THBS4: variants seen among roughly 807,000 people sequenced by gnomAD.
THBS4 encodes thrombospondin 4.
Under a neutral mutation model 115.7 loss-of-function variants are expected in THBS4, and 90 were observed. The ratio of observed to expected loss-of-function variants is 0.78; its 90% confidence interval spans 0.66 to 0.93. The LOEUF is 0.93. Ranked by LOEUF, THBS4 falls within the 40% of genes least tolerant of loss-of-function variation. THBS4 has a pLI of 0.00. For missense variants in THBS4, 1,087 were observed against 1,232.7 expected (o/e 0.88, Z 1.77); for synonymous variants, 460 against 479.3 (o/e 0.96, Z 0.53).
chr5:80,044,026 C>T (rs944457494), intron 2 of THBS4, among the ~76,000 whole-genome samples: 1 of 152,188 alleles, frequency 6.6e-6, no homozygotes, highest in Non-Finnish European at 1.5e-5. Context: ...CCTTTTGTTC[C>T]TGCTGTCTGC....
Position 80,035,407 on chromosome 5 carries a change from G to T in THBS4, c.-131G>T. On this transcript the variant is annotated 5_prime_UTR_variant, in exon 1 of 22. Coordinates refer to ENST00000350881, the MANE Select transcript of THBS4 (RefSeq NM_003248.6). The surrounding 1 kb of genome is among the most constrained non-coding windows in gnomAD (Gnocchi z 4.6). ...GCGAGCGCGCCCCCGACGGCAGCCC[G>T]GACGCCGAGCACGGGTCACCTGCGG... is the stretch of plus-strand genomic sequence containing the variant. 4 of 449,446 alleles carry T rather than the reference G, an allele frequency of 8.9e-6. No individual in the cohort carries two copies. The highest frequency in any genetic ancestry group is 6.7e-6 in the Non-Finnish European group (2 of 298,516). 27.8% of individuals were successfully genotyped at this position (449,446 alleles called of 1,614,324 possible).
At chr5:80,080,712 G>A (rs756177031) in intron 20 of THBS4, among the ~76,000 whole-genome samples, 40 of 149,634 alleles carry the variant, frequency 2.7e-4, no homozygotes, top group African/African-American at 4.2e-4. Flanking sequence ...TCAGCCTCCC[G>A]AGTAGCTGGG....
chr5:80,008,516 A>G (rs1832060730), intron 2 of THBS4, among the ~76,000 whole-genome samples: 1 of 152,140 alleles, frequency 6.6e-6, no homozygotes, highest in Non-Finnish European at 1.5e-5. Context: ...TTATTTGTTA[A>G]GTATGGCAAC....
At chr5:80,067,771 C>T (rs1833883839) in intron 9 of THBS4, 3 of 539,972 alleles carry the variant, frequency 5.6e-6, no homozygotes, top group Admixed American at 3.4e-5. Context: ...GTCTGAGTGG[C>T]CGGACGCAGC....
chr5:80,003,454 T>C (rs1426464277), intron 2 of THBS4, among the ~76,000 whole-genome samples: 2 of 152,120 alleles, frequency 1.3e-5, no homozygotes, highest in Non-Finnish European at 2.9e-5. Context: ...CATCATGCTG[T>C]TTTCCTTATC....
intron 2 of THBS4, among the ~76,000 whole-genome samples, chr5:80,002,134 A>C (rs1200906097): frequency 1.3e-5 from 2 of 152,170 alleles, no homozygotes; most frequent in Non-Finnish European, 2.9e-5. Flanking sequence ...GTTAACTATC[A>C]TTAATAGTGA....
At chr5:80,070,620 C>A in intron 11 of THBS4, 23 bp from the exon 12 acceptor site, 1 of 1,604,010 alleles carries the variant, frequency 6.2e-7, no homozygotes, top group Non-Finnish European at 8.5e-7. Flanking sequence ...GGATGTCACT[C>A]GGAACTGCAT....
intron 20 of THBS4, chr5:80,082,135 T>G (rs1300895890): frequency 2.5e-6 from 1 of 399,652 alleles, no homozygotes; most frequent in Non-Finnish European, 4.5e-6. Context: ...AACATCATGT[T>G]AGGCCTTGTG....
chr5:80,004,093 C>T (rs1220168615), intron 2 of THBS4, among the ~76,000 whole-genome samples: 2 of 152,152 alleles, frequency 1.3e-5, no homozygotes, highest in East Asian at 3.9e-4. Flanking sequence ...ATCTCCTAGT[C>T]AGATTCCTCA....
intron 2 of THBS4, among the ~76,000 whole-genome samples, chr5:80,046,341 A>T (rs1833065448): frequency 6.6e-6 from 1 of 152,256 alleles, no homozygotes; most frequent in South Asian, 2.1e-4. Flanking sequence ...TGGGATATTT[A>T]GTGAAGAAAG....
At position 80,020,808 on chromosome 5, in the gene THBS4, A is replaced by G. The variant is rs139536948; in HGVS notation, n.178-19269A>G. Among the ~76,000 whole-genome samples the G allele has an allele frequency of 2.9e-4, 44 of 152,336 alleles. 1 individual carries two copies. Among genetic ancestry groups the G allele is most frequent in the African/African-American group, 1.0e-3 (43 of 41,578 alleles). ...TCTATAATGCAGGCTTCTAAGGACT[A>G]CATGGCATTACATGGGGCACAGAAA... On this transcript the variant is annotated intron_variant and non_coding_transcript_variant, in intron 2 of 3. Coordinates refer to the THBS4 transcript ENST00000510218.
At chr5:79,995,766 T>C (rs542878084) in intron 1 of THBS4, among the ~76,000 whole-genome samples, 1 of 146,750 alleles carries the variant, frequency 6.8e-6, no homozygotes, top group South Asian at 2.3e-4. Flanking sequence ...ATAAATCAGT[T>C]ACCTTCAAAT....
chr5:80,045,297 T>C (rs1209738223), intron 2 of THBS4, among the ~76,000 whole-genome samples: 1 of 152,128 alleles, frequency 6.6e-6, no homozygotes, highest in Non-Finnish European at 1.5e-5. Flanking sequence ...AACTTGGTGC[T>C]GTGAAGTGAA....
chr5:80,013,924 A>G (rs1554048660), intron 2 of THBS4, among the ~76,000 whole-genome samples: 1 of 152,216 alleles, frequency 6.6e-6, no homozygotes, highest in Admixed American at 6.5e-5. Context: ...GAAGTTTACC[A>G]TAAGGTAAGA....
At chr5:80,014,395 G>A (rs1426212960) in intron 2 of THBS4, among the ~76,000 whole-genome samples, 1 of 152,218 alleles carries the variant, frequency 6.6e-6, no homozygotes, top group Non-Finnish European at 1.5e-5. Context: ...AGTCATGACA[G>A]TGGTCCCTCG....
At position 80,056,904 on chromosome 5, in the gene THBS4, T is replaced by C. The variant is rs17885895; in HGVS notation, c.540+872T>C. On this transcript the variant is annotated intron_variant, in intron 3 of 21. Transcript: ENST00000350881. ...GCCCTTTGTACAGAGAAGCAGGGTG[T>C]AAGCAATAATTTCCATTGCAAGTAG... 6.0e-3 allele frequency among the ~76,000 whole-genome samples: 919 copies of C among 152,326 alleles called. 8 individuals carry two copies. The highest frequency in any genetic ancestry group is 0.021 in the African/African-American group (883 of 41,572).
In THBS4 at chr5:80,043,130, C is replaced by T. The variant is rs1232743785; in HGVS notation, c.292+2850C>T. On this transcript the variant is annotated intron_variant, in intron 2 of 21. Transcript: ENST00000350881. ...GGAAGAATCTAGAAATGAGAATTCT[C>T]ATAAGGCAAAGAGGGATTTATGCTG... Among the ~76,000 whole-genome samples, 13 of 152,238 alleles carry T rather than the reference C, an allele frequency of 8.5e-5. No homozygotes were observed. The South Asian group carries it at 2.7e-3, about 32-fold the overall frequency.
At chr5:80,049,940 C>G (rs948378366) in intron 2 of THBS4, among the ~76,000 whole-genome samples, 2 of 152,108 alleles carry the variant, frequency 1.3e-5, no homozygotes, top group African/African-American at 4.8e-5. Flanking sequence ...ACAGAGCAGC[C>G]CAGAGGTGGA....
chr5:80,038,237 A>T (rs1403503812), intron 1 of THBS4, among the ~76,000 whole-genome samples: 1 of 152,194 alleles, frequency 6.6e-6, no homozygotes, highest in African/African-American at 2.4e-5. Flanking sequence ...TATTAACATT[A>T]ACATGTTGTT....
Sources: allele counts gnomAD v4.1 joint callset (sites outside exome capture counted in the v4.1 genomes callset), GRCh38; gene constraint gnomAD v4.1.1; non-coding constraint Gnocchi (gnomAD v3.1); transcripts MANE v1.5; gene names NCBI Gene and HGNC (gene_info 2026-07-23, HGNC 2026-07-21).